NCAM2: variants seen among roughly 807,000 people sequenced by gnomAD.
NCAM2 encodes the protein N-CAM-2.
NCAM2 carries 30 observed loss-of-function variants against 98.1 expected under a neutral mutation model. The observed-to-expected ratio is 0.31, with a 90% CI of 0.23 to 0.41. NCAM2 has a LOEUF of 0.41. Ranked by LOEUF, NCAM2 falls within the 10% of genes least tolerant of loss-of-function variation. NCAM2 has a pLI of 1.00. For synonymous variants in NCAM2, 368 were observed against 342.4 expected (o/e 1.07, Z -0.83); for missense variants, 867 against 1,005.8 (o/e 0.86, Z 1.87).
chr21:21,202,739 A>C (rs2069282916), intron 1 of NCAM2, among the ~76,000 whole-genome samples: 1 of 152,162 alleles, frequency 6.6e-6, no homozygotes, highest in African/African-American at 2.4e-5. Flanking sequence ...TATGCTATAA[A>C]AAGTAATTAA....
chr21:21,060,126 C>T (rs929627314), intron 1 of NCAM2, among the ~76,000 whole-genome samples: 54 of 152,110 alleles, frequency 3.6e-4, no homozygotes, highest in African/African-American at 1.3e-3. Context: ...GCCATTATAG[C>T]TATACTTATC....
Position 21,432,259 on chromosome 21 carries a change from T to C in NCAM2, c.1632T>C (p.Ile544=), listed in dbSNP as rs1214731568. Residue 544 remains isoleucine (I), a synonymous_variant, in exon 12 of 18, where the codon ATT becomes ATC. Transcript: ENST00000400546. ...VKEVASEIWK[I]VRSHGVQTMV... Reference sequence around the variant, plus strand: ...AAGTAGCGTCAGAAATCTGGAAAATTGTACGCTCCCATGGAGTTCAAAGTG... The same window carrying C: ...AAGTAGCGTCAGAAATCTGGAAAATCGTACGCTCCCATGGAGTTCAAAGTG... The C allele has an allele frequency of 1.2e-6, 2 of 1,613,948 alleles. No homozygotes were observed. The highest frequency in any genetic ancestry group is 1.7e-6 in the Non-Finnish European group (2 of 1,179,964).
At chr21:21,264,630 G>C (rs1201871412) in intron 1 of NCAM2, among the ~76,000 whole-genome samples, 1 of 150,984 alleles carries the variant, frequency 6.6e-6, no homozygotes, top group Non-Finnish European at 1.5e-5. Flanking sequence ...TAAATGAAAT[G>C]TGATGTGTAT....
At chr21:21,085,742 A>C (rs1034388695) in intron 1 of NCAM2, among the ~76,000 whole-genome samples, 1 of 152,064 alleles carries the variant, frequency 6.6e-6, no homozygotes, top group Non-Finnish European at 1.5e-5. Flanking sequence ...GTTTATTGCT[A>C]TTTTCTTGAA....
intron 1 of NCAM2, among the ~76,000 whole-genome samples, chr21:21,052,283 C>T (rs929303860): frequency 6.6e-6 from 1 of 151,696 alleles, no homozygotes; most frequent in Admixed American, 6.6e-5. Context: ...CCTGCCTCAG[C>T]CTCCTGAGGA....
At chr21:21,229,611 A>T (rs2070537999) in intron 1 of NCAM2, among the ~76,000 whole-genome samples, 2 of 151,458 alleles carry the variant, frequency 1.3e-5, no homozygotes, top group Admixed American at 1.3e-4. Context: ...AGTGGTACAT[A>T]TGGCAATTGC....
At chr21:21,353,859 AC>A (rs2075403300) in intron 8 of NCAM2, among the ~76,000 whole-genome samples, 1 of 152,238 alleles carries the variant, frequency 6.6e-6, no homozygotes, top group Non-Finnish European at 1.5e-5. Context: ...ATTGTGCTCC[AC>A]AAAACAAGTT....
chr21:21,138,369 T>C (rs1436779285), intron 1 of NCAM2, among the ~76,000 whole-genome samples: 1 of 152,224 alleles, frequency 6.6e-6, no homozygotes, highest in Non-Finnish European at 1.5e-5. Context: ...CAGAGACAGA[T>C]AGATGTGTTT....
At chr21:21,114,831 T>TC (rs79967239) in intron 1 of NCAM2, among the ~76,000 whole-genome samples, 146,609 of 150,094 alleles carry the variant, frequency 0.98, 71,598 homozygotes, top group South Asian at 1. Context: ...TCTGACTTTT[T>TC]TTTTTTTTTT....
chr21:21,461,634 A>G (rs2146193862), intron 12 of NCAM2, among the ~76,000 whole-genome samples: 1 of 152,102 alleles, frequency 6.6e-6, no homozygotes, highest in South Asian at 2.1e-4. Flanking sequence ...TAATCTATCC[A>G]TAAAAGTTAT....
chr21:21,001,275 T>C (rs1476095019), intron 1 of NCAM2, among the ~76,000 whole-genome samples: 1 of 152,336 alleles, frequency 6.6e-6, no homozygotes, highest in South Asian at 2.1e-4. Context: ...TACAACCTTA[T>C]TGTTGTACAG....
chr21:21,158,980 A>C (rs996975236), intron 1 of NCAM2, among the ~76,000 whole-genome samples: 1 of 152,156 alleles, frequency 6.6e-6, no homozygotes, highest in African/African-American at 2.4e-5. Flanking sequence ...GGATAGCTCC[A>C]TGATGTTATT....
chr21:21,187,217 C>T (rs1383987660), intron 1 of NCAM2, among the ~76,000 whole-genome samples: 5 of 152,010 alleles, frequency 3.3e-5, no homozygotes, highest in African/African-American at 1.2e-4. Flanking sequence ...GAGCGAAACT[C>T]CGTCTAAAAA....
At chr21:21,405,701 G>A (rs1291923564) in intron 9 of NCAM2, among the ~76,000 whole-genome samples, 2 of 170 alleles carry the variant, frequency 0.012, no homozygotes, top group African/African-American at 0.037. Flanking sequence ...TCACAACTGT[G>A]CTAGGGAGAC....
intron 9 of NCAM2, among the ~76,000 whole-genome samples, chr21:21,395,772 C>A (rs1340127135): frequency 1.3e-5 from 2 of 151,458 alleles, no homozygotes; most frequent in Non-Finnish European, 1.5e-5. Flanking sequence ...AAAGGACACC[C>A]AATTCAACAA....
chr21:21,516,135 A>G (rs1489634032), intron 16 of NCAM2, among the ~76,000 whole-genome samples: 1 of 152,152 alleles, frequency 6.6e-6, no homozygotes, highest in African/African-American at 2.4e-5. Flanking sequence ...TACCCTTGCA[A>G]TTACTCCCCA....
chr21:21,152,659 G>T (rs1430925875), intron 1 of NCAM2, among the ~76,000 whole-genome samples: 1 of 151,762 alleles, frequency 6.6e-6, no homozygotes. Context: ...GTTTTTTGGG[G>T]TCTGTATTGA....
chr21:21,326,222 G>C (rs2074507793), intron 6 of NCAM2, among the ~76,000 whole-genome samples: 1 of 152,092 alleles, frequency 6.6e-6, no homozygotes, highest in Non-Finnish European at 1.5e-5. Flanking sequence ...ATGACACCAG[G>C]TTTAAGAAGA....
intron 11 of NCAM2, among the ~76,000 whole-genome samples, chr21:21,420,465 TA>T (rs2145968060): frequency 6.6e-6 from 1 of 152,070 alleles, no homozygotes; most frequent in African/African-American, 2.4e-5. Flanking sequence ...CTAGGTAAAG[TA>T]ATATCAGAAA....
Sources: gnomAD v4.1 joint callset for allele counts (sites outside exome capture counted in the v4.1 genomes callset) on GRCh38, gnomAD v4.1.1 for gene constraint, MANE v1.5 for transcripts, NCBI Gene and HGNC (gene_info 2026-07-23, HGNC 2026-07-21) for gene names.